Variants in LSAMP observed in about 807,000 individuals in gnomAD.
The protein encoded by LSAMP is limbic system associated membrane protein, also known as limbic system-associated membrane protein.
In LSAMP, 7 loss-of-function variants were observed where a neutral mutation model predicts 38.6. That is an observed-to-expected ratio of 0.18 (90% CI 0.10 to 0.34). The LOEUF (loss-of-function observed/expected upper bound fraction) is 0.34, where lower values mean the gene tolerates loss of function less well. Ranked by LOEUF, LSAMP falls within the 10% of genes least tolerant of loss-of-function variation. LSAMP has a pLI of 1.00. For synonymous variants in LSAMP, 154 were observed against 166.8 expected (o/e 0.92, Z 0.59); for missense variants, 313 against 420.0 (o/e 0.75, Z 2.23).
chr3:115,879,656 G>A (rs553358520), intron 3 of LSAMP, among the ~76,000 whole-genome samples: 1 of 152,248 alleles, frequency 6.6e-6, no homozygotes, highest in African/African-American at 2.4e-5. Context: ...ACAGTTGAGT[G>A]ACAATTTTAA....
At chr3:115,913,434 A>G (rs945769321) in intron 3 of LSAMP, among the ~76,000 whole-genome samples, 35 of 152,200 alleles carry the variant, frequency 2.3e-4, no homozygotes, top group African/African-American at 7.2e-4. Flanking sequence ...ACAGGCTACA[A>G]ATATTTATTG....
chr3:115,997,745 TATATATATAC>T (rs1449292948), intron 3 of LSAMP, among the ~76,000 whole-genome samples: 4 of 91,344 alleles, frequency 4.4e-5, no homozygotes, highest in South Asian at 3.0e-4. Context: ...TATATATATA[TATATATATAC>T]ACACACATAC....
chr3:115,963,233 A>T (rs1307038213), intron 3 of LSAMP, among the ~76,000 whole-genome samples: 1 of 152,230 alleles, frequency 6.6e-6, no homozygotes, highest in Non-Finnish European at 1.5e-5. Flanking sequence ...ATGTACCATA[A>T]TTAATCCAAA....
At chr3:116,264,387 A>G (rs966820216) in intron 1 of LSAMP, among the ~76,000 whole-genome samples, 23 of 152,166 alleles carry the variant, frequency 1.5e-4, no homozygotes, top group Non-Finnish European at 8.8e-5. Flanking sequence ...TGTTTCCCAT[A>G]TGCTAGTAAG....
intron 1 of LSAMP, among the ~76,000 whole-genome samples, chr3:116,331,814 T>G (rs979496454): frequency 1.3e-5 from 2 of 152,142 alleles, no homozygotes; most frequent in African/African-American, 4.8e-5. Flanking sequence ...TTTGTTTTGT[T>G]TCTTTTTATT....
intron 1 of LSAMP, among the ~76,000 whole-genome samples, chr3:116,402,409 C>A (rs779125392): frequency 6.6e-6 from 1 of 152,070 alleles, no homozygotes; most frequent in African/African-American, 2.4e-5. Flanking sequence ...TATACCTGTG[C>A]CACTCTAATT....
rs1238720534 is a variant in LSAMP at position 115,803,105 on chromosome 3, T to C, written c.*7212A>G. ...AGCATATTTGTACTGTGCCTGGCTT[T>C]ACATAGGGAGGATTGTGCAGAGTAG... On this transcript the variant is annotated 3_prime_UTR_variant, in exon 7 of 7. Coordinates refer to ENST00000490035, the MANE Select transcript of LSAMP (RefSeq NM_002338.5). 1.3e-5 allele frequency: 2 copies of C among 151,024 alleles called. No individual in the cohort carries two copies. The highest frequency in any genetic ancestry group is 6.6e-5 in the Admixed American group (1 of 15,248). The allele number at this position is 151,024 out of a possible 1,614,324, so 9.4% of individuals were successfully genotyped here. A position where few individuals can be genotyped will look rare whatever the true frequency, so the allele number is the denominator to read the frequency against.
chr3:115,994,337 T>C (rs1055531730), intron 3 of LSAMP, among the ~76,000 whole-genome samples: 1 of 152,100 alleles, frequency 6.6e-6, no homozygotes, highest in African/African-American at 2.4e-5. Context: ...TCAGTCTCAC[T>C]ATAGATATGA....
At chr3:116,165,116 G>T (rs545044589) in intron 1 of LSAMP, among the ~76,000 whole-genome samples, 5 of 152,112 alleles carry the variant, frequency 3.3e-5, no homozygotes, top group African/African-American at 1.2e-4. Context: ...TGAGCAGACC[G>T]TGCTTCTAGG....
intron 3 of LSAMP, among the ~76,000 whole-genome samples, chr3:116,012,283 T>C (rs1469409755): frequency 2.0e-5 from 3 of 152,230 alleles, no homozygotes; most frequent in Admixed American, 6.5e-5. Flanking sequence ...TGTTTGCTTG[T>C]TTATTTTTCT....
chr3:116,162,965 C>T (rs900495295), intron 1 of LSAMP, among the ~76,000 whole-genome samples: 5 of 151,978 alleles, frequency 3.3e-5, no homozygotes, highest in African/African-American at 7.3e-5. Context: ...GTTCCCCCAT[C>T]CCTGGACCTG....
At chr3:116,264,954 C>T (rs942320931) in intron 1 of LSAMP, among the ~76,000 whole-genome samples, 1 of 152,158 alleles carries the variant, frequency 6.6e-6, no homozygotes, top group African/African-American at 2.4e-5. Flanking sequence ...GTGGGTGGAG[C>T]TGAACATTCC....
chr3:116,130,651 T>G (rs935008710), intron 1 of LSAMP, among the ~76,000 whole-genome samples: 2 of 152,178 alleles, frequency 1.3e-5, no homozygotes, highest in African/African-American at 2.4e-5. Flanking sequence ...CTATTCTTAT[T>G]CTTACTTTTT....
In LSAMP at chr3:115,847,446, T is replaced by C. The variant is rs534046679; in HGVS notation, c.650-4868A>G. Among the ~76,000 whole-genome samples the C allele has an allele frequency of 1.8e-4, 28 of 152,366 alleles. 2 individuals are homozygous for C. Among genetic ancestry groups the C allele is most frequent in the African/African-American group, 6.3e-4 (26 of 41,592 alleles). On this transcript the variant is annotated intron_variant, in intron 4 of 6. Coordinates refer to ENST00000490035, the MANE Select transcript of LSAMP (RefSeq NM_002338.5). ...ATAATGCCAGTGATAAAGTAAATACTTCTCACTGGGGCAGACCAGGCCCAA... is the reference window on the plus strand; with the variant it reads ...ATAATGCCAGTGATAAAGTAAATACCTCTCACTGGGGCAGACCAGGCCCAA...
intron 3 of LSAMP, among the ~76,000 whole-genome samples, chr3:115,954,584 C>G (rs572069439): frequency 6.6e-6 from 1 of 152,200 alleles, no homozygotes; most frequent in South Asian, 2.1e-4. Context: ...ATAGAGCATT[C>G]ATTTGCACTA....
At chr3:116,305,010 T>C (rs2047463821) in intron 1 of LSAMP, among the ~76,000 whole-genome samples, 1 of 152,132 alleles carries the variant, frequency 6.6e-6, no homozygotes, top group South Asian at 2.1e-4. Flanking sequence ...AAAGGTGTTT[T>C]TAAGACTTCC....
intron 3 of LSAMP, among the ~76,000 whole-genome samples, chr3:115,933,013 CA>C (rs1346226920): frequency 1.3e-5 from 2 of 152,078 alleles, no homozygotes; most frequent in East Asian, 1.9e-4. Context: ...CATAATGTTT[CA>C]GGGGGAAGAA....
chr3:116,219,098 T>C (rs1410948251), intron 1 of LSAMP, among the ~76,000 whole-genome samples: 1 of 152,204 alleles, frequency 6.6e-6, no homozygotes. Flanking sequence ...TGCACATTGA[T>C]TAGTAATTCC....
Position 116,334,879 on chromosome 3 carries a change from T to C in LSAMP, c.155+109998A>G, listed in dbSNP as rs546133478. Among the ~76,000 whole-genome samples, 3 of 152,186 alleles carry C rather than the reference T, an allele frequency of 2.0e-5. No homozygotes were observed. In the South Asian group the frequency reaches 6.2e-4, roughly 32 times the overall value. ...CTATTCAACATAGTACTGGAAGTTA[T>C]AGCCAGATCAATTAGGCAAGATAAA... On this transcript the variant is annotated intron_variant, in intron 1 of 6. Coordinates refer to ENST00000490035, the MANE Select transcript of LSAMP (RefSeq NM_002338.5).
Sources: allele counts gnomAD v4.1 joint callset (sites outside exome capture counted in the v4.1 genomes callset), GRCh38; gene constraint gnomAD v4.1.1; transcripts MANE v1.5; gene names NCBI Gene and HGNC (gene_info 2026-07-23, HGNC 2026-07-21).